ATXN1: variants seen among roughly 807,000 people sequenced by gnomAD.
ATXN1 encodes ataxin 1, also known as ataxin-1.
In ATXN1, 8 loss-of-function variants were observed where a neutral mutation model predicts 56.4. The ratio of observed to expected loss-of-function variants is 0.14; its 90% confidence interval spans 0.08 to 0.26. The LOEUF is 0.26. Ranked by LOEUF, ATXN1 falls within the 10% of genes least tolerant of loss-of-function variation. The probability of loss-of-function intolerance (pLI) is 1.00; values close to 1 mark genes in which losing one functional copy is unlikely to be tolerated. For synonymous variants in ATXN1, 514 were observed against 494.6 expected (o/e 1.04, Z -0.52); for missense variants, 987 against 1,106.5 (o/e 0.89, Z 1.53).
rs148882620 is a variant in ATXN1, at chr6:16,750,883, C to A, written c.-615+2350G>T. 4.6e-5 allele frequency among the ~76,000 whole-genome samples: 7 copies of A among 152,184 alleles called. No homozygotes were observed. In the East Asian group the frequency reaches 1.4e-3, roughly 29 times the overall value. On this transcript the variant is annotated intron_variant, in intron 2 of 7. Coordinates refer to ENST00000436367, the MANE Select transcript of ATXN1 (RefSeq NM_001128164.2). ...AAGATCTAAATGTGAGGATTTTCAG[C>A]CTAGCACATAACCGTTAAAATGAGT...
At chr6:16,739,805 G>A in intron 2 of ATXN1, 1 of 456,582 alleles carries the variant, frequency 2.2e-6, no homozygotes, top group Non-Finnish European at 4.4e-6. Flanking sequence ...GACACATTAT[G>A]CCTCCTGGCG....
chr6:16,352,573 C>T (rs540910601), intron 6 of ATXN1, among the ~76,000 whole-genome samples: 3 of 152,248 alleles, frequency 2.0e-5, no homozygotes, highest in African/African-American at 7.2e-5. Flanking sequence ...GAAATGATCA[C>T]AGCAAGGGAA....
At chr6:16,698,652 A>T (rs78861401) in intron 2 of ATXN1, among the ~76,000 whole-genome samples, 31 of 14,926 alleles carry the variant, frequency 2.1e-3, no homozygotes, top group East Asian at 7.7e-3. Flanking sequence ...TCAAAAATTA[A>T]AAAAAAAAAA....
chr6:16,438,765 T>G (rs1759444081), intron 6 of ATXN1, among the ~76,000 whole-genome samples: 1 of 152,204 alleles, frequency 6.6e-6, no homozygotes, highest in Non-Finnish European at 1.5e-5. Flanking sequence ...ATAGCAACAC[T>G]TCTTAAGTAG....
chr6:16,389,403 G>A (rs1010919223), intron 6 of ATXN1, among the ~76,000 whole-genome samples: 3 of 151,486 alleles, frequency 2.0e-5, no homozygotes, highest in African/African-American at 4.9e-5. Context: ...AAATATACAC[G>A]GAAAATTTCC....
chr6:16,309,237 A>C (rs1212681393), intron 7 of ATXN1, among the ~76,000 whole-genome samples: 1 of 148,540 alleles, frequency 6.7e-6, no homozygotes, highest in Non-Finnish European at 1.5e-5. Context: ...CTAAAAAAAA[A>C]AAAAATAAAT....
chr6:16,314,929 T>C (rs1460180899), intron 7 of ATXN1, among the ~76,000 whole-genome samples: 1 of 151,892 alleles, frequency 6.6e-6, no homozygotes, highest in Non-Finnish European at 1.5e-5. Flanking sequence ...TTATTGAGGG[T>C]TCCTAATGAT....
At position 16,410,357 on chromosome 6, in the gene ATXN1, G is replaced by A. The variant is rs1333410182; in HGVS notation, c.-161+75615C>T. Among the ~76,000 whole-genome samples, 1 of 152,204 alleles carries A rather than the reference G, an allele frequency of 6.6e-6. No individual in the cohort carries two copies. The highest frequency in any genetic ancestry group is 1.5e-5 in the Non-Finnish European group (1 of 68,038). On this transcript the variant is annotated intron_variant, in intron 6 of 7. Transcript: ENST00000436367. The surrounding 1 kb of genome is among the most constrained non-coding windows in gnomAD (Gnocchi z 4.6). Reference sequence around the variant, plus strand: ...AAACAAGTGCTGAAGGGACCCCTATGGAGGCAGAGAACCTGAAATGAACAG... The same window carrying A: ...AAACAAGTGCTGAAGGGACCCCTATAGAGGCAGAGAACCTGAAATGAACAG...
chr6:16,324,712 G>C (rs2113405104), intron 7 of ATXN1, among the ~76,000 whole-genome samples: 1 of 152,256 alleles, frequency 6.6e-6, no homozygotes, highest in South Asian at 2.1e-4. Context: ...TGAAAGAAAT[G>C]GGCTGTGGAA....
chr6:16,419,345 A>G (rs1452571628), intron 6 of ATXN1, among the ~76,000 whole-genome samples: 1 of 152,212 alleles, frequency 6.6e-6, no homozygotes, highest in Non-Finnish European at 1.5e-5. Flanking sequence ...TCCAATCATT[A>G]TTATAATTAA....
intron 2 of ATXN1, among the ~76,000 whole-genome samples, chr6:16,679,795 T>C (rs1758776511): frequency 6.6e-6 from 1 of 152,228 alleles, no homozygotes; most frequent in Non-Finnish European, 1.5e-5. Flanking sequence ...AAGTAAAATA[T>C]TGGTGTTTTC....
At chr6:16,631,851 G>A (rs531391189) in intron 3 of ATXN1, among the ~76,000 whole-genome samples, 2 of 152,104 alleles carry the variant, frequency 1.3e-5, no homozygotes, top group Non-Finnish European at 2.9e-5. Context: ...TAAAACTCAA[G>A]CATCAACAGG....
chr6:16,401,026 C>G (rs1554143566), intron 6 of ATXN1, among the ~76,000 whole-genome samples: 1 of 152,052 alleles, frequency 6.6e-6, no homozygotes, highest in Non-Finnish European at 1.5e-5. Context: ...ATATCCCTTC[C>G]TTTTTAAAAA....
chr6:16,663,229 G>A (rs1194837847), intron 2 of ATXN1, among the ~76,000 whole-genome samples: 4 of 151,804 alleles, frequency 2.6e-5, no homozygotes, highest in African/African-American at 4.8e-5. Context: ...TCGGCCTCCC[G>A]AAGTGCTAGG....
At chr6:16,406,480 A>G in intron 6 of ATXN1, among the ~76,000 whole-genome samples, 1 of 152,248 alleles carries the variant, frequency 6.6e-6, no homozygotes, top group East Asian at 1.9e-4. Context: ...TGTAAAAAGT[A>G]AAGTAGAGGT....
In ATXN1 at chr6:16,299,199, T is replaced by C. The variant is rs1053605895; in HGVS notation, c.*7130A>G. On this transcript the variant is annotated 3_prime_UTR_variant, in exon 8 of 8. Coordinates refer to ENST00000436367, the MANE Select transcript of ATXN1 (RefSeq NM_001128164.2). ...ACAGACAATTTATTTAAAACAATTTTGTTCAAATTTTGAATCAAACATTGT... is the reference window on the plus strand; with the variant it reads ...ACAGACAATTTATTTAAAACAATTTCGTTCAAATTTTGAATCAAACATTGT... 5 of 152,668 alleles carry C rather than the reference T, an allele frequency of 3.3e-5. No individual in the cohort carries two copies. The highest frequency in any genetic ancestry group is 5.9e-5 in the Non-Finnish European group (4 of 68,042). 9.5% of individuals were successfully genotyped at this position (152,668 alleles called of 1,614,324 possible).
intron 6 of ATXN1, among the ~76,000 whole-genome samples, chr6:16,475,351 A>T (rs1760304740): frequency 6.6e-6 from 1 of 152,228 alleles, no homozygotes. Flanking sequence ...TACAACAAAG[A>T]GATGAGCAAG....
chr6:16,456,322 T>C (rs879415644), intron 6 of ATXN1, among the ~76,000 whole-genome samples: 2 of 152,216 alleles, frequency 1.3e-5, no homozygotes, highest in Non-Finnish European at 2.9e-5. Flanking sequence ...TATTCTGTCC[T>C]ATTTTTCCTT....
chr6:16,346,458 T>C (rs1246169331), intron 6 of ATXN1, among the ~76,000 whole-genome samples: 1 of 152,198 alleles, frequency 6.6e-6, no homozygotes, highest in South Asian at 2.1e-4. Flanking sequence ...AGAGAGGTTA[T>C]AGTGAGCAGC....
Sources: allele counts gnomAD v4.1 joint callset (sites outside exome capture counted in the v4.1 genomes callset), GRCh38; gene constraint gnomAD v4.1.1; non-coding constraint Gnocchi (gnomAD v3.1); transcripts MANE v1.5; gene names NCBI Gene and HGNC (gene_info 2026-07-23, HGNC 2026-07-21).